IGSF21: variants seen among roughly 807,000 people sequenced by gnomAD.
IGSF21 encodes immunoglobin superfamily member 21, also known as immunoglobulin superfamily member 21.
Under a neutral mutation model 46.8 loss-of-function variants are expected in IGSF21, and 28 were observed. The ratio of observed to expected loss-of-function variants is 0.60; its 90% confidence interval spans 0.44 to 0.82. The LOEUF is 0.82. Ranked by LOEUF, IGSF21 falls within the 40% of genes least tolerant of loss-of-function variation. The pLI is 0.00. For missense variants in IGSF21, 624 were observed against 665.5 expected, an observed-to-expected ratio of 0.94 and a Z score of 0.69; for synonymous variants, 284 against 273.6, an observed-to-expected ratio of 1.04 and a Z score of -0.38.
intron 2 of IGSF21, among the ~76,000 whole-genome samples, chr1:18,276,143 C>G (rs1569700213): frequency 6.6e-6 from 1 of 152,352 alleles, no homozygotes; most frequent in Admixed American, 6.5e-5. Flanking sequence ...AAGTTGCATC[C>G]ACACTTCCTC....
chr1:18,348,280 C>T (rs1414784764), intron 4 of IGSF21, among the ~76,000 whole-genome samples: 1 of 152,208 alleles, frequency 6.6e-6, no homozygotes, highest in Non-Finnish European at 1.5e-5. Flanking sequence ...TGAAGGGATT[C>T]ATCTGCTTCT....
chr1:18,113,912 G>A (rs1464432272), intron 1 of IGSF21: 2 of 152,178 alleles, frequency 1.3e-5, no homozygotes, highest in Admixed American at 6.5e-5. Context: ...CCATGGTAAC[G>A]ATGAGTACCC....
chr1:18,331,406 A>T (rs1042722936), intron 3 of IGSF21, among the ~76,000 whole-genome samples: 1 of 152,186 alleles, frequency 6.6e-6, no homozygotes, highest in Non-Finnish European at 1.5e-5. Context: ...GGGGTCTCCA[A>T]TTCCATCCAG....
chr1:18,246,422 G>A (rs970084693), intron 2 of IGSF21, among the ~76,000 whole-genome samples: 9 of 152,034 alleles, frequency 5.9e-5, no homozygotes, highest in Non-Finnish European at 8.8e-5. Flanking sequence ...CGTGTATCTT[G>A]TAATCTCCCT....
intron 1 of IGSF21, among the ~76,000 whole-genome samples, chr1:18,194,501 T>C (rs1353318700): frequency 2.0e-5 from 3 of 152,178 alleles, no homozygotes; most frequent in African/African-American, 7.2e-5. Flanking sequence ...TTCCAGCTTC[T>C]GGTGGTTGCC....
chr1:18,265,595 G>A (rs546179641), intron 2 of IGSF21, among the ~76,000 whole-genome samples: 2 of 152,184 alleles, frequency 1.3e-5, no homozygotes, highest in African/African-American at 4.8e-5. Flanking sequence ...ATCCTATCAC[G>A]CTGCCCACCT....
intron 1 of IGSF21, among the ~76,000 whole-genome samples, chr1:18,118,780 A>G (rs1164834323): frequency 6.6e-6 from 1 of 152,124 alleles, no homozygotes; most frequent in Non-Finnish European, 1.5e-5. Context: ...CATGGAGAGC[A>G]TGGGGGTTAC....
intron 1 of IGSF21, among the ~76,000 whole-genome samples, chr1:18,175,209 G>A (rs1028128564): frequency 2.6e-5 from 4 of 152,354 alleles, no homozygotes; most frequent in African/African-American, 9.6e-5. Context: ...TGTCACAGAT[G>A]TGCTGTGTGG....
At chr1:18,247,922 C>T (rs1392824552) in intron 2 of IGSF21, among the ~76,000 whole-genome samples, 2 of 152,124 alleles carry the variant, frequency 1.3e-5, no homozygotes, top group South Asian at 2.1e-4. Context: ...TCATTTAGTA[C>T]CTTCTTTAAA....
intron 2 of IGSF21, among the ~76,000 whole-genome samples, chr1:18,289,069 G>A (rs1474186927): frequency 6.6e-6 from 1 of 152,136 alleles, no homozygotes; most frequent in African/African-American, 2.4e-5. Context: ...TGGGGTGTGG[G>A]TGTATTTTCC....
chr1:18,292,066 C>A, intron 3 of IGSF21, 79 bp downstream of exon 3: 2 of 1,431,692 alleles, frequency 1.4e-6, no homozygotes, highest in Non-Finnish European at 1.9e-6. Context: ...AGTTCTCCAG[C>A]CCTTTCACAT....
At chr1:18,277,743 A>G (rs1226841718) in intron 2 of IGSF21, among the ~76,000 whole-genome samples, 1 of 152,212 alleles carries the variant, frequency 6.6e-6, no homozygotes, top group Non-Finnish European at 1.5e-5. Flanking sequence ...GGATCTAAAA[A>G]ATATTATGCT....
At chr1:18,318,883 T>C (rs2085571385) in intron 3 of IGSF21, among the ~76,000 whole-genome samples, 1 of 152,214 alleles carries the variant, frequency 6.6e-6, no homozygotes, top group African/African-American at 2.4e-5. Flanking sequence ...GCTGAAGATG[T>C]GGCTTTTATA....
chr1:18,301,019 T>G (rs933296763), intron 3 of IGSF21, among the ~76,000 whole-genome samples: 6 of 152,236 alleles, frequency 3.9e-5, no homozygotes, highest in Admixed American at 2.6e-4. Context: ...ATCAATGGGC[T>G]GAAGGGTTGT....
intron 3 of IGSF21, among the ~76,000 whole-genome samples, chr1:18,331,975 G>A (rs961387580): frequency 6.6e-6 from 1 of 152,150 alleles, no homozygotes; most frequent in African/African-American, 2.4e-5. Context: ...TCCTTCAATC[G>A]ATGGTAGAAG....
rs572100899 is a variant in IGSF21, at chr1:18,178,156, G to A, written c.71-49742G>A. On this transcript the variant is annotated intron_variant, in intron 1 of 9. Coordinates refer to ENST00000251296, the MANE Select transcript of IGSF21 (RefSeq NM_032880.5). ...AGAGAGAAAGGGAGTGTCAGACACT[G>A]TGACAACAGCGTCATTCCCTCCATC... is the stretch of plus-strand genomic sequence containing the variant. Among the ~76,000 whole-genome samples, 8 of 152,302 alleles carry A rather than the reference G, an allele frequency of 5.3e-5. No individual in the cohort carries two copies. The South Asian group carries it at 1.7e-3, about 32-fold the overall frequency.
chr1:18,248,995 A>G (rs2084811005), intron 2 of IGSF21, among the ~76,000 whole-genome samples: 1 of 152,118 alleles, frequency 6.6e-6, no homozygotes, highest in Non-Finnish European at 1.5e-5. Flanking sequence ...CCTAGCTGGG[A>G]GCCTGCGCAG....
chr1:18,267,474 C>T (rs982699713), intron 2 of IGSF21, among the ~76,000 whole-genome samples: 1 of 152,194 alleles, frequency 6.6e-6, no homozygotes, highest in Non-Finnish European at 1.5e-5. Flanking sequence ...CTGGTAACAT[C>T]CTAGATTTCC....
rs190533130 is a variant in IGSF21 at position 18,256,221 on chromosome 1, C to G, written c.183+28211C>G. ...GTATGACTAGGGTAATTCCTACCCC[C>G]CTTTAGGCTGGAAATCTTTCCTCAA... is the stretch of plus-strand genomic sequence containing the variant. On this transcript the variant is annotated intron_variant, in intron 2 of 9. Coordinates refer to ENST00000251296, the MANE Select transcript of IGSF21 (RefSeq NM_032880.5). 4.2e-3 allele frequency among the ~76,000 whole-genome samples: 637 copies of G among 152,316 alleles called. 3 individuals carry two copies. Among genetic ancestry groups the G allele is most frequent in the African/African-American group, 0.014 (577 of 41,576 alleles).
Sources: gnomAD v4.1 joint callset for allele counts (sites outside exome capture counted in the v4.1 genomes callset) on GRCh38, gnomAD v4.1.1 for gene constraint, MANE v1.5 for transcripts, NCBI Gene and HGNC (gene_info 2026-07-23, HGNC 2026-07-21) for gene names.